The following PRKD1 variants were observed in gnomAD, a reference collection of about 807,000 sequenced individuals.
The protein encoded by PRKD1 is protein kinase D1, also known as serine/threonine-protein kinase D1.
PRKD1 carries 63 observed loss-of-function variants against 95.9 expected under a neutral mutation model. The ratio of observed to expected loss-of-function variants is 0.66; its 90% confidence interval spans 0.54 to 0.81. PRKD1 has a LOEUF of 0.81. Among genes scored for constraint, PRKD1 ranks in the 30% least tolerant of loss-of-function variants. The probability of loss-of-function intolerance (pLI) is 0.00; values close to 1 mark genes in which losing one functional copy is unlikely to be tolerated. For synonymous variants in PRKD1, 425 were observed against 423.1 expected (o/e 1.00, Z -0.05); for missense variants, 1,048 against 1,165.3 (o/e 0.90, Z 1.47).
intron 1 of PRKD1, among the ~76,000 whole-genome samples, chr14:29,880,243 G>A (rs911190826): frequency 1.3e-5 from 2 of 152,176 alleles, no homozygotes; most frequent in African/African-American, 4.8e-5. Flanking sequence ...TCCCCTTGCT[G>A]AGTGCAGCCT....
intron 1 of PRKD1, among the ~76,000 whole-genome samples, chr14:29,814,420 C>A (rs1476315312): frequency 6.6e-6 from 1 of 152,182 alleles, no homozygotes; most frequent in East Asian, 1.9e-4. Flanking sequence ...CTATCAATGT[C>A]TTCTTGCTAG....
intron 1 of PRKD1, among the ~76,000 whole-genome samples, chr14:29,746,097 G>T (rs1887203165): frequency 6.6e-6 from 1 of 152,092 alleles, no homozygotes; most frequent in Non-Finnish European, 1.5e-5. Flanking sequence ...GACTTTGGGA[G>T]ACTACTCACA....
intron 2 of PRKD1, among the ~76,000 whole-genome samples, chr14:29,673,721 T>G (rs181178138): frequency 2.0e-5 from 3 of 152,354 alleles, no homozygotes; most frequent in Admixed American, 6.5e-5. Flanking sequence ...CCTAATAATC[T>G]GTAAATAAAG....
chr14:29,748,875 G>C lies in PRKD1; in HGVS notation c.265-23201C>G, dbSNP rs45528834. Among the ~76,000 whole-genome samples the C allele has an allele frequency of 4.4e-3, 667 of 152,268 alleles. 4 individuals carry two copies. Among genetic ancestry groups the C allele is most frequent in the South Asian group, 0.018 (85 of 4,828 alleles). ...TCTGAATGAATGAGTAAATGAGAGAGTGGTGAAAAACGAAATCCTTAATGT... is the reference window on the plus strand; with the variant it reads ...TCTGAATGAATGAGTAAATGAGAGACTGGTGAAAAACGAAATCCTTAATGT... On this transcript the variant is annotated intron_variant, in intron 1 of 17. Transcript: ENST00000331968.
intron 13 of PRKD1, among the ~76,000 whole-genome samples, chr14:29,622,358 T>C (rs1484130874): frequency 7.3e-6 from 1 of 136,778 alleles, no homozygotes; most frequent in Non-Finnish European, 1.6e-5. Context: ...ACTTCAGGTG[T>C]ATTTTTCTCC....
At chr14:29,881,275 C>A (rs1451608793) in intron 1 of PRKD1, among the ~76,000 whole-genome samples, 1 of 152,190 alleles carries the variant, frequency 6.6e-6, no homozygotes, top group African/African-American at 2.4e-5. Context: ...ATAAGTCTCA[C>A]AAGATCTGAT....
chr14:29,782,654 CCAA>C (rs1889100636), intron 1 of PRKD1, among the ~76,000 whole-genome samples: 1 of 152,066 alleles, frequency 6.6e-6, no homozygotes, highest in Non-Finnish European at 1.5e-5. Context: ...CCTCAACCTC[CCAA>C]GTTGCCAGGA....
intron 1 of PRKD1, among the ~76,000 whole-genome samples, chr14:29,852,514 A>G (rs989448246): frequency 1.3e-5 from 2 of 150,678 alleles, no homozygotes; most frequent in African/African-American, 2.5e-5. Context: ...TAACAAGTGC[A>G]TTGTGGGAGT....
chr14:29,859,814 C>T (rs566437106), intron 1 of PRKD1, among the ~76,000 whole-genome samples: 101 of 152,044 alleles, frequency 6.6e-4, no homozygotes, highest in Middle Eastern at 3.4e-3. Flanking sequence ...TGCAAAAAGA[C>T]GTGGAATTCT....
chr14:29,810,220 C>T (rs557951206), intron 1 of PRKD1, among the ~76,000 whole-genome samples: 1 of 152,256 alleles, frequency 6.6e-6, no homozygotes, highest in East Asian at 1.9e-4. Flanking sequence ...ATTACCAAAA[C>T]ATGACACAGA....
rs546294583 is a variant in PRKD1, at chr14:29,801,464, G to A, written c.265-75790C>T. The stretch of plus-strand genomic sequence containing the variant: ...AACATGAATAAGCAGTAGGGAAAAA[G>A]AACCACTTGAGGCAATCGCCTTGAT... On this transcript the variant is annotated intron_variant, in intron 1 of 17. Coordinates refer to ENST00000331968, the MANE Select transcript of PRKD1 (RefSeq NM_002742.3). Among the ~76,000 whole-genome samples the A allele has an allele frequency of 5.3e-5, 8 of 152,260 alleles. No homozygotes were observed. The South Asian group carries it at 6.2e-4, about 12-fold the overall frequency.
At chr14:29,686,165 C>T (rs1484832070) in intron 2 of PRKD1, among the ~76,000 whole-genome samples, 1 of 152,118 alleles carries the variant, frequency 6.6e-6, no homozygotes, top group Non-Finnish European at 1.5e-5. Flanking sequence ...CCTCTCTTTG[C>T]CTTCCTCTTT....
At chr14:29,683,289 CA>C (rs1883641101) in intron 2 of PRKD1, among the ~76,000 whole-genome samples, 1 of 152,174 alleles carries the variant, frequency 6.6e-6, no homozygotes, top group Non-Finnish European at 1.5e-5. Context: ...AAGCGGTCAA[CA>C]GTGACAATGA....
chr14:29,638,205 G>C, intron 6 of PRKD1: 1 of 380,172 alleles, frequency 2.6e-6, no homozygotes, highest in Non-Finnish European at 4.7e-6. Context: ...GGGCAAACTA[G>C]GATAAGAATA....
chr14:29,661,517 T>C (rs1882189115), intron 4 of PRKD1, among the ~76,000 whole-genome samples: 1 of 152,152 alleles, frequency 6.6e-6, no homozygotes, highest in Non-Finnish European at 1.5e-5. Context: ...TGTTCCCGTA[T>C]GAAGAAGCGA....
rs145561529 is a variant in PRKD1 at position 29,732,852 on chromosome 14, T to C, written c.265-7178A>G. ...TGCAATGTTTTTTCTTCCCTAATTA[T>C]TTTACAGTTTTAATCTTCATCAATG... On this transcript the variant is annotated intron_variant, in intron 1 of 17. Coordinates refer to ENST00000331968, the MANE Select transcript of PRKD1 (RefSeq NM_002742.3). Among the ~76,000 whole-genome samples, 56 of 152,000 alleles carry C rather than the reference T, an allele frequency of 3.7e-4. 1 individual carries two copies. The East Asian group carries it at 9.7e-3, about 26-fold the overall frequency.
chr14:29,579,364 G>C (rs925540757), intron 16 of PRKD1, among the ~76,000 whole-genome samples: 3 of 151,980 alleles, frequency 2.0e-5, no homozygotes, highest in Admixed American at 6.6e-5. Context: ...CTAATAGGAA[G>C]CATTTATATT....
At chr14:29,792,472 GT>G (rs1391585169) in intron 1 of PRKD1, among the ~76,000 whole-genome samples, 1 of 152,050 alleles carries the variant, frequency 6.6e-6, no homozygotes, top group East Asian at 1.9e-4. Context: ...TGTCTCAAAT[GT>G]TGTTACAAAT....
intron 1 of PRKD1, among the ~76,000 whole-genome samples, chr14:29,795,653 C>T (rs1889781064): frequency 6.6e-6 from 1 of 151,914 alleles, no homozygotes; most frequent in South Asian, 2.1e-4. Flanking sequence ...CAAAATTGAC[C>T]AACTAAGAAA....
Sources: gnomAD v4.1 joint callset for allele counts (sites outside exome capture counted in the v4.1 genomes callset) on GRCh38, gnomAD v4.1.1 for gene constraint, MANE v1.5 for transcripts, NCBI Gene and HGNC (gene_info 2026-07-23, HGNC 2026-07-21) for gene names.